CALM3: variants seen among roughly 807,000 people sequenced by gnomAD.
CALM3 encodes the protein calmodulin 3, also known as calmodulin-3.
CALM3 carries 5 observed loss-of-function variants against 20.1 expected under a neutral mutation model. The observed-to-expected ratio is 0.25, with a 90% CI of 0.13 to 0.52. The LOEUF (loss-of-function observed/expected upper bound fraction) is 0.52. CALM3 is among the 20% of genes least tolerant of loss of function. The pLI, the probability that CALM3 is intolerant of heterozygous loss-of-function variation, is 0.96. For missense variants in CALM3, 57 were observed against 192.8 expected (o/e 0.30, Z 4.17); for synonymous variants, 69 against 68.1 (o/e 1.01, Z -0.06).
chr19:46,602,951 A>G (rs1158123297), intron 1 of CALM3, among the ~76,000 whole-genome samples: 1 of 152,208 alleles, frequency 6.6e-6, no homozygotes, highest in Non-Finnish European at 1.5e-5. Context: ...GCTTGATCAG[A>G]GAGTGCCTCT....
In CALM3 at chr19:46,601,398, C is replaced by T; in HGVS notation, c.-37C>T. On this transcript the variant is annotated 5_prime_UTR_variant, in exon 1 of 6. Transcript: ENST00000291295. This position sits in a 1 kb window ranked among gnomAD's most constrained non-coding sequence, Gnocchi z 4.2. ...GCAGCTGCTGCCGCCGCCGGAGGAA[C>T]CTTGATCCCCGTGCTCCGGACACCC... 1 of 1,506,110 alleles carries T rather than the reference C, an allele frequency of 6.6e-7. No homozygotes were observed. The highest frequency in any genetic ancestry group is 8.8e-7 in the Non-Finnish European group (1 of 1,130,176). The allele number at this position is 1,506,110 out of a possible 1,614,324, so 93.3% of individuals were successfully genotyped here.
chr19:46,609,076 C>T, intron 5 of CALM3, 49 bp from the exon 6 acceptor site: 1 of 1,613,780 alleles, frequency 6.2e-7, no homozygotes, highest in Non-Finnish European at 8.5e-7. Flanking sequence ...GGGCCGCTCG[C>T]CACTTAGCCT....
chr19:46,605,892 A>G lies in CALM3; in HGVS notation c.34+35A>G. On this transcript the variant is annotated intron_variant, in intron 2 of 5. Transcript: ENST00000291295. The surrounding 1 kb of genome is among the most constrained non-coding windows in gnomAD (Gnocchi z 4.1). ...CTATCCCCCTCATCTTAGCTCAGGA[A>G]AGCCTCCACATCCCCAGCCAAATCT... The G allele has an allele frequency of 6.2e-7, 1 of 1,607,416 alleles. No homozygotes were observed.
In CALM3 at chr19:46,609,480, C is replaced by T; in HGVS notation, c.*327C>T. ...GCCCTCCTCCAGCCCGGATGGCTCT[C>T]CTCCATTTTGGTTTGTTTCCTCTTG... On this transcript the variant is annotated 3_prime_UTR_variant, in exon 6 of 6. Coordinates refer to ENST00000291295, the MANE Select transcript of CALM3 (RefSeq NM_005184.4). 2.4e-6 allele frequency: 1 copy of T among 421,016 alleles called. No homozygotes were observed. 26.1% of individuals were successfully genotyped at this position (421,016 alleles called of 1,614,324 possible). A position where few individuals can be genotyped will look rare whatever the true frequency, so the allele number is the denominator to read the frequency against.
intron 1 of CALM3, among the ~76,000 whole-genome samples, chr19:46,603,226 C>T (rs185177479): frequency 3.9e-5 from 6 of 152,198 alleles, no homozygotes; most frequent in Non-Finnish European, 5.9e-5. Context: ...CTCCTCTTGC[C>T]GCTACCCCAT....
Position 46,608,834 on chromosome 19 carries a change from C to T in CALM3, c.286-12C>T, listed in dbSNP as rs1461780910. 3 of 1,542,270 alleles carry T rather than the reference C, an allele frequency of 1.9e-6. No homozygotes were observed. Among genetic ancestry groups the T allele is most frequent in the Non-Finnish European group, 2.6e-6 (3 of 1,146,968 alleles). ...GAAGTGCCCAGTGAAAGGCTTTATC[C>T]CCAACCCCCAGGATGGGAATGGCTA... On this transcript the variant is annotated splice_polypyrimidine_tract_variant and intron_variant, in intron 4 of 5. Transcript: ENST00000291295. The surrounding 1 kb of genome is among the most constrained non-coding windows in gnomAD (Gnocchi z 5.5).
intron 1 of CALM3, among the ~76,000 whole-genome samples, chr19:46,603,428 G>A (rs1971676505): frequency 6.6e-6 from 1 of 152,208 alleles, no homozygotes; most frequent in Non-Finnish European, 1.5e-5. Context: ...CTTGGCCCGG[G>A]TGAGGGGCCC....
chr19:46,603,550 T>G (rs1971679371), intron 1 of CALM3, among the ~76,000 whole-genome samples: 1 of 152,184 alleles, frequency 6.6e-6, no homozygotes, highest in African/African-American at 2.4e-5. Context: ...TTTTTTTTCT[T>G]GTCCAGCCCC....
chr19:46,602,027 C>T (rs1252149317), intron 1 of CALM3: 10 of 1,076,538 alleles, frequency 9.3e-6, no homozygotes, highest in Non-Finnish European at 1.2e-5. Context: ...GATGAGACTC[C>T]CGAGGGTGGG....
At chr19:46,607,847 T>G in intron 2 of CALM3, 1 of 142,570 alleles carries the variant, frequency 7.0e-6, no homozygotes, top group South Asian at 1.6e-4. Flanking sequence ...ATGACTTTGG[T>G]TCATTTCATC....
intron 1 of CALM3, chr19:46,602,240 G>T (rs755825762): frequency 1.6e-5 from 22 of 1,343,336 alleles, no homozygotes; most frequent in East Asian, 4.7e-5. Flanking sequence ...GTAGTCGGGG[G>T]ACAGGGACCC....
chr19:46,601,110 G>T (rs1192250983), upstream of CALM3: 3 of 874,598 alleles, frequency 3.4e-6, no homozygotes, highest in Admixed American at 5.6e-5. This position sits in a 1 kb window ranked among gnomAD's most constrained non-coding sequence, Gnocchi z 4.2. Context: ...GGGAGCGAGC[G>T]CGCGCGCGCC....
rs1430579650 is a variant in CALM3 at position 46,610,085 on chromosome 19, TCAGAACCATGCTGGGCTA to T, written c.*933_*950del. On this transcript the variant is annotated 3_prime_UTR_variant, in exon 6 of 6. Coordinates refer to ENST00000291295, the MANE Select transcript of CALM3 (RefSeq NM_005184.4). ...ATGGCCCTTAAGACTTTCATTTTGTTCAGAACCATGCTGGGCTAGCTAAAGGGTGGGGAGAGGGAAGAT... is the reference window on the plus strand; with the variant it reads ...ATGGCCCTTAAGACTTTCATTTTGTTGCTAAAGGGTGGGGAGAGGGAAGAT... 2 of 152,584 alleles carry T rather than the reference TCAGAACCATGCTGGGCTA, an allele frequency of 1.3e-5. No homozygotes were observed. The highest frequency in any genetic ancestry group is 2.9e-5 in the Non-Finnish European group (2 of 68,066). 9.5% of individuals were successfully genotyped at this position (152,584 alleles called of 1,614,324 possible). A position where few individuals can be genotyped will look rare whatever the true frequency, so the allele number is the denominator to read the frequency against.
At chr19:46,604,510 CT>C (rs1209467280) in intron 1 of CALM3, among the ~76,000 whole-genome samples, 1 of 150,312 alleles carries the variant, frequency 6.7e-6, no homozygotes, top group Non-Finnish European at 1.5e-5. Context: ...CCCTCCCATT[CT>C]GCCTATTTGG....
At chr19:46,602,315 C>G in intron 1 of CALM3, 2 of 803,158 alleles carry the variant, frequency 2.5e-6, no homozygotes, top group South Asian at 1.6e-5. Context: ...GACTGTTGCT[C>G]TAGAAAGACA....
intron 1 of CALM3, among the ~76,000 whole-genome samples, chr19:46,603,711 G>A (rs1971682370): frequency 6.6e-6 from 1 of 152,230 alleles, no homozygotes; most frequent in African/African-American, 2.4e-5. Context: ...TCGGTTTTCT[G>A]GGCGGCAACC....
intron 2 of CALM3, among the ~76,000 whole-genome samples, chr19:46,607,740 C>G (rs888751147): frequency 1.3e-5 from 2 of 152,356 alleles, no homozygotes; most frequent in African/African-American, 2.4e-5. Flanking sequence ...CTCTTCAGGC[C>G]GGCCAGAGGC....
At chr19:46,602,063 G>A in intron 1 of CALM3, 1 of 1,296,708 alleles carries the variant, frequency 7.7e-7, no homozygotes, top group Non-Finnish European at 1.0e-6. Flanking sequence ...GTGGTCTCCA[G>A]AGCCCAGCAC....
At chr19:46,606,242 G>A (rs1185619739) in intron 2 of CALM3, 2 of 206,070 alleles carry the variant, frequency 9.7e-6, no homozygotes, top group Non-Finnish European at 2.0e-5. Flanking sequence ...TTTAGGAGCC[G>A]CCCAGGAGCT....
Sources: gnomAD v4.1 joint callset for allele counts (sites outside exome capture counted in the v4.1 genomes callset) on GRCh38, gnomAD v4.1.1 for gene constraint, Gnocchi (gnomAD v3.1) non-coding constraint, MANE v1.5 for transcripts, NCBI Gene and HGNC (gene_info 2026-07-23, HGNC 2026-07-21) for gene names.